The following SI variants were observed in gnomAD, a reference collection of about 807,000 sequenced individuals.
The protein encoded by SI is sucrase-isomaltase, intestinal.
SI carries 235 observed loss-of-function variants against 253.3 expected under a neutral mutation model. The ratio of observed to expected loss-of-function variants is 0.93; its 90% CI spans 0.83 to 1.03. The LOEUF (loss-of-function observed/expected upper bound fraction) is 1.03. Among genes scored for constraint, SI ranks in the 50% least tolerant of loss-of-function variants. The pLI, the probability that SI is intolerant of heterozygous loss-of-function variation, is 0.00. For missense variants in SI, 2,442 were observed against 2,211.1 expected (o/e 1.10, Z -2.09); for synonymous variants, 819 against 712.0 (o/e 1.15, Z -2.39).
rs771798836 is a variant in SI at position 165,074,528 on chromosome 3, G to T, written c.255+3C>A. The T allele has an allele frequency of 4.0e-5, 63 of 1,594,628 alleles. No homozygotes were observed. The highest frequency in any genetic ancestry group is 5.2e-5 in the Non-Finnish European group (61 of 1,168,034). Reference sequence around the variant, plus strand: ...AAAAATATTAAAGACTTTTGCTGCAGACCTCTGTTGGGAATTGTTCTGGAA... The same window carrying T: ...AAAAATATTAAAGACTTTTGCTGCATACCTCTGTTGGGAATTGTTCTGGAA... On this transcript the variant is annotated splice_donor_region_variant and intron_variant, in intron 3 of 47. Coordinates refer to ENST00000264382, the MANE Select transcript of SI (RefSeq NM_001041.4).
intron 47 of SI, among the ~76,000 whole-genome samples, chr3:164,982,037 A>G (rs1717213380): frequency 6.6e-6 from 1 of 152,140 alleles, no homozygotes; most frequent in Non-Finnish European, 1.5e-5. Context: ...TAATAAGAAT[A>G]AAATAGATGT....
At position 165,055,228 on chromosome 3, in the gene SI, A is replaced by G. The variant is rs1713637875; in HGVS notation, c.1478T>C (p.Phe493Ser). ...TCCATCATATTGCACTTCTTGATGGAAAATACTGCATTCATTTGCCCACCA... is the reference window on the plus strand; with the variant it reads ...TCCATCATATTGCACTTCTTGATGGGAAATACTGCATTCATTTGCCCACCA... ...IDWWANECSI[F>S]HQEVQYDGLW... The change falls in exon 13 of 48, where the codon TTC (phenylalanine) becomes TCC (serine). Residue 493 changes from phenylalanine to serine, a missense_variant. Coordinates refer to ENST00000264382, the MANE Select transcript of SI (RefSeq NM_001041.4). 1.9e-6 allele frequency: 3 copies of G among 1,611,242 alleles called. No homozygotes were observed. Among genetic ancestry groups the G allele is most frequent in the South Asian group, 1.1e-5 (1 of 91,050 alleles).
intron 1 of SI, among the ~76,000 whole-genome samples, chr3:165,078,029 A>G (rs1203011411): frequency 6.6e-6 from 1 of 151,616 alleles, no homozygotes; most frequent in African/African-American, 2.4e-5. Flanking sequence ...AAGGTCAGCT[A>G]GAAAACAGTA....
chr3:164,989,220 C>T (rs1399598216), intron 44 of SI, among the ~76,000 whole-genome samples: 1 of 151,146 alleles, frequency 6.6e-6, no homozygotes, highest in East Asian at 1.9e-4. Context: ...TGGCAGGCAC[C>T]TGTAATCCCA....
rs1446666305 is a variant in SI at position 165,059,008 on chromosome 3, ATGT to A, written c.1350_1352del (p.Gln450del). 16 of 1,612,090 alleles carry A rather than the reference ATGT, an allele frequency of 9.9e-6. No homozygotes were observed. The highest frequency in any genetic ancestry group is 1.4e-5 in the Non-Finnish European group (16 of 1,178,852). ...TTCCATCTGACTCATTTATCCACAC[ATGT>A]TGTGTGTTTCCCCTCTCATAGGTTG... On this transcript the variant is annotated inframe_deletion, in exon 12 of 48. Coordinates refer to ENST00000264382, the MANE Select transcript of SI (RefSeq NM_001041.4).
the SI span, among the ~76,000 whole-genome samples, chr3:165,089,544 A>G: frequency 1.3e-5 from 2 of 152,100 alleles, no homozygotes; most frequent in African/African-American, 2.4e-5. Flanking sequence ...AGAGAGAAGA[A>G]GGATCCTGGG....
At chr3:164,983,127 T>G in intron 45 of SI, 76 bp from the exon 46 acceptor site, 1 of 1,392,464 alleles carries the variant, frequency 7.2e-7, no homozygotes. Context: ...TATACTTTGC[T>G]TCTCTTTCCC....
intron 37 of SI, among the ~76,000 whole-genome samples, chr3:165,001,503 T>C (rs894597561): frequency 6.6e-6 from 1 of 151,496 alleles, no homozygotes; most frequent in Non-Finnish European, 1.5e-5. Flanking sequence ...AATTATGTTT[T>C]AGTGTATAAC....
chr3:165,019,481 A>T, intron 28 of SI, 121 bp downstream of exon 28: 1 of 913,246 alleles, frequency 1.1e-6, no homozygotes, highest in Admixed American at 2.0e-5. Context: ...GCTGCTCTGG[A>T]GATCTCTAGC....
At position 165,012,962 on chromosome 3, in the gene SI, A is replaced by C. The variant is rs367787760; in HGVS notation, c.4062+18T>G. On this transcript the variant is annotated intron_variant, in intron 34 of 47. Coordinates refer to ENST00000264382, the MANE Select transcript of SI (RefSeq NM_001041.4). ...TTGAATTTCTTCTCATTGTATAGTTAGCCCGTGTAAAACTTACATTAACAG... is the reference window on the plus strand; with the variant it reads ...TTGAATTTCTTCTCATTGTATAGTTCGCCCGTGTAAAACTTACATTAACAG... 4 of 1,493,736 alleles carry C rather than the reference A, an allele frequency of 2.7e-6. No homozygotes were observed. Among genetic ancestry groups the C allele is most frequent in the Non-Finnish European group, 3.7e-6 (4 of 1,070,090 alleles). 92.5% of individuals were successfully genotyped at this position (1,493,736 alleles called of 1,614,324 possible). A position where few individuals can be genotyped will look rare whatever the true frequency, so the allele number is the denominator to read the frequency against.
At chr3:164,989,389 G>GAAGAAAGAAAGAAAGAAAGAAAGA (rs1184335609) in intron 44 of SI, among the ~76,000 whole-genome samples, 12 of 59,504 alleles carry the variant, frequency 2.0e-4, no homozygotes, top group Admixed American at 1.5e-3. Flanking sequence ...AGAAAGAAAG[G>GAAGAAAGAAAGAAAGAAAGAAAGA]AAGAAAGAAA....
intron 2 of SI, among the ~76,000 whole-genome samples, chr3:165,075,282 T>C (rs1276206905): frequency 1.3e-5 from 2 of 152,006 alleles, no homozygotes; most frequent in Admixed American, 6.6e-5. Context: ...AAATGCTAAC[T>C]GTAGTCTAGA....
chr3:165,027,495 T>C (rs561586407), intron 25 of SI, among the ~76,000 whole-genome samples: 1 of 150,932 alleles, frequency 6.6e-6, no homozygotes, highest in East Asian at 1.9e-4. Context: ...GGAAAGGACA[T>C]AACCAAAAAA....
At chr3:165,067,607 A>C in intron 5 of SI, 116 bp from the exon 6 acceptor site, 1 of 893,960 alleles carries the variant, frequency 1.1e-6, no homozygotes, top group South Asian at 1.4e-5. Context: ...TTAGTTTCAT[A>C]GAAGAGTATT....
intron 25 of SI, among the ~76,000 whole-genome samples, chr3:165,027,312 T>C (rs73163455): frequency 0.11 from 17,002 of 150,890 alleles, 1,366 homozygotes; most frequent in Middle Eastern, 0.17. Context: ...AAAATGGTAA[T>C]AAAAATTACC....
At chr3:165,054,282 G>T (rs1265243954) in intron 13 of SI, among the ~76,000 whole-genome samples, 2 of 152,042 alleles carry the variant, frequency 1.3e-5, no homozygotes, top group East Asian at 3.9e-4. Context: ...CCAAATTCTT[G>T]CCAGTGGTAA....
intron 34 of SI, among the ~76,000 whole-genome samples, chr3:165,012,546 A>C (rs1220137007): frequency 6.6e-6 from 1 of 152,012 alleles, no homozygotes; most frequent in Non-Finnish European, 1.5e-5. Context: ...CTCCTGCCTC[A>C]GCTTTCCGAG....
intron 33 of SI, among the ~76,000 whole-genome samples, chr3:165,014,573 G>A (rs142007013): frequency 8.5e-4 from 129 of 152,052 alleles, no homozygotes; most frequent in African/African-American, 2.9e-3. Flanking sequence ...TTTTGATGGT[G>A]TTATCATTGT....
At chr3:165,087,696 T>A in the SI span, among the ~76,000 whole-genome samples, 2 of 152,284 alleles carry the variant, frequency 1.3e-5, no homozygotes, top group African/African-American at 2.4e-5. Context: ...TACCTCAGGC[T>A]CCACTATCCT....
Sources: gnomAD v4.1 joint callset for allele counts (sites outside exome capture counted in the v4.1 genomes callset) on GRCh38, gnomAD v4.1.1 for gene constraint, MANE v1.5 for transcripts, NCBI Gene and HGNC (gene_info 2026-07-23, HGNC 2026-07-21) for gene names.